Variants in MAST4 observed in about 807,000 individuals in gnomAD.
The protein encoded by MAST4 is microtubule-associated serine/threonine-protein kinase 4.
Under a neutral mutation model 162.7 loss-of-function variants are expected in MAST4, and 89 were observed. That is an observed-to-expected ratio of 0.55 (90% CI 0.46 to 0.65). The LOEUF is 0.65. Among genes scored for constraint, MAST4 ranks in the 30% least tolerant of loss-of-function variants. The pLI is 0.00. For synonymous variants in MAST4, 1,479 were observed against 1,361.1 expected, an observed-to-expected ratio of 1.09 and a Z score of -1.91; for missense variants, 3,153 against 3,374.0, an observed-to-expected ratio of 0.93 and a Z score of 1.62.
chr5:67,121,137 C>G, intron 14 of MAST4, 35 bp downstream of exon 14: 6 of 1,441,570 alleles, frequency 4.2e-6, no homozygotes, highest in Non-Finnish European at 5.8e-6. Flanking sequence ...TATTGTATTT[C>G]TACACACTCA....
Position 67,157,143 on chromosome 5 carries a change from C to T in MAST4, c.3649-3313C>T, listed in dbSNP as rs567139765. Among the ~76,000 whole-genome samples the T allele has an allele frequency of 2.0e-5, 3 of 152,322 alleles. No homozygotes were observed. The East Asian group carries it at 5.8e-4, about 29-fold the overall frequency. On this transcript the variant is annotated intron_variant, in intron 26 of 28. Transcript: ENST00000403625. ...GCCACCTTGAGCAGTTCAGGTAGCA[C>T]TCGCTGTAGCTGGATGGATCCACCA... is the stretch of plus-strand genomic sequence containing the variant.
chr5:66,652,371 T>C (rs757701196), intron 1 of MAST4, among the ~76,000 whole-genome samples: 3 of 152,168 alleles, frequency 2.0e-5, no homozygotes, highest in Non-Finnish European at 4.4e-5. Flanking sequence ...TATTTCATAA[T>C]TATTACAAAA....
chr5:67,032,084 T>C (rs1177701313), intron 4 of MAST4, among the ~76,000 whole-genome samples: 1 of 152,198 alleles, frequency 6.6e-6, no homozygotes, highest in African/African-American at 2.4e-5. Flanking sequence ...TCATTTAATC[T>C]ATAGATTCTT....
chr5:66,942,998 G>T (rs886414470), intron 4 of MAST4, among the ~76,000 whole-genome samples: 1 of 152,042 alleles, frequency 6.6e-6, no homozygotes, highest in East Asian at 1.9e-4. Context: ...TAGGTAGAAA[G>T]GGGTGTGGCA....
At chr5:66,903,725 T>C (rs1296716471) in intron 4 of MAST4, among the ~76,000 whole-genome samples, 3 of 152,214 alleles carry the variant, frequency 2.0e-5, no homozygotes, top group African/African-American at 7.2e-5. Flanking sequence ...TTGCCTTAGA[T>C]TTTTATCCCA....
At chr5:66,938,403 A>G (rs765754584) in intron 4 of MAST4, among the ~76,000 whole-genome samples, 53 of 152,222 alleles carry the variant, frequency 3.5e-4, no homozygotes, top group Non-Finnish European at 1.0e-4. Context: ...ATCCAGAAAG[A>G]GAAAATGGCT....
intron 1 of MAST4, among the ~76,000 whole-genome samples, chr5:66,693,446 G>A (rs1580213554): frequency 6.6e-6 from 1 of 152,182 alleles, no homozygotes; most frequent in South Asian, 2.1e-4. Context: ...ATTTGGAAAT[G>A]AAATTGTTGA....
chr5:66,757,195 T>C (rs1490580028), intron 1 of MAST4, among the ~76,000 whole-genome samples: 1 of 152,140 alleles, frequency 6.6e-6, no homozygotes, highest in Non-Finnish European at 1.5e-5. Flanking sequence ...GCTGAAAAAA[T>C]TTAACATCAG....
chr5:66,640,594 AC>A (rs1745431409), intron 1 of MAST4, among the ~76,000 whole-genome samples: 1 of 152,202 alleles, frequency 6.6e-6, no homozygotes. Context: ...GGCGTGAGCC[AC>A]CGCGCCCAGC....
chr5:66,768,733 A>G (rs566081663), intron 2 of MAST4, among the ~76,000 whole-genome samples: 1 of 152,162 alleles, frequency 6.6e-6, no homozygotes, highest in Non-Finnish European at 1.5e-5. Flanking sequence ...CTCAATGTCC[A>G]TTCTTGGGTT....
rs1222150264 is a variant in MAST4 at position 66,615,896 on chromosome 5, G to T, written c.363+18878G>T. Among the ~76,000 whole-genome samples the T allele has an allele frequency of 4.6e-5, 7 of 152,270 alleles. No individual in the cohort carries two copies. In the East Asian group the frequency reaches 1.4e-3, roughly 29 times the overall value. On this transcript the variant is annotated intron_variant, in intron 1 of 28. Transcript: ENST00000403625. ...GTTTTTCCTTCTATCCCTCCCATTT[G>T]CCTGCCCTCAGCAAGGTAGTTGCTT...
intron 1 of MAST4, among the ~76,000 whole-genome samples, chr5:66,644,634 G>C (rs189988075): frequency 1.7e-3 from 253 of 152,170 alleles, no homozygotes; most frequent in African/African-American, 5.7e-3. Flanking sequence ...AAAGAAGCTG[G>C]AATCCAAACT....
chr5:67,164,486 G>A lies in MAST4; in HGVS notation c.5307G>A (p.Thr1769=), dbSNP rs775662835. ...TAACAGGCCGGGTGGACAGTGGAAC[G>A]GAGAAGCCTGGCTTGGTTGCTCCTG... ...KALTGRVDSG[T]EKPGLVAPES... is the part of the protein sequence containing the mutation. The change falls in exon 29 of 29, where the codon ACG becomes ACA. Residue 1769 remains threonine (T), a synonymous_variant. Coordinates refer to ENST00000403625, the MANE Select transcript of MAST4 (RefSeq NM_001164664.2). The surrounding 1 kb of genome is among the most constrained non-coding windows in gnomAD (Gnocchi z 5.3). 23 of 1,613,920 alleles carry A rather than the reference G, an allele frequency of 1.4e-5. 1 individual carries two copies. The South Asian group carries it at 2.4e-4, about 17-fold the overall frequency.
chr5:67,097,698 A>T (rs1764613512), intron 7 of MAST4, among the ~76,000 whole-genome samples: 1 of 152,116 alleles, frequency 6.6e-6, no homozygotes, highest in Non-Finnish European at 1.5e-5. Context: ...TGAAGACGTT[A>T]GTATCATATA....
chr5:66,999,116 A>G (rs1750992735), intron 4 of MAST4, among the ~76,000 whole-genome samples: 1 of 152,014 alleles, frequency 6.6e-6, no homozygotes. Context: ...GGAGAGATAC[A>G]CTCATCTCTG....
chr5:66,733,970 T>G lies in MAST4; in HGVS notation c.364-25739T>G, dbSNP rs185073716. ...CAAAACCATTAATTTCTTCAATATT[T>G]AACTAAAAGCTTACTTCCTTCATGA... On this transcript the variant is annotated intron_variant, in intron 1 of 28. Coordinates refer to ENST00000403625, the MANE Select transcript of MAST4 (RefSeq NM_001164664.2). Among the ~76,000 whole-genome samples the G allele has an allele frequency of 1.5e-4, 23 of 152,332 alleles. No homozygotes were observed. The East Asian group carries it at 4.4e-3, about 29-fold the overall frequency.
chr5:67,090,649 A>G (rs988901696), intron 6 of MAST4, among the ~76,000 whole-genome samples: 1 of 150,744 alleles, frequency 6.6e-6, no homozygotes, highest in African/African-American at 2.4e-5. Flanking sequence ...GGGCTATAGG[A>G]TGTTTTCTGC....
chr5:66,839,347 T>C (rs539141762), intron 3 of MAST4, among the ~76,000 whole-genome samples: 2 of 152,292 alleles, frequency 1.3e-5, no homozygotes, highest in East Asian at 1.9e-4. Flanking sequence ...AGCTCAAGCC[T>C]GGAGAGAGAC....
chr5:67,136,627 A>G lies in MAST4; in HGVS notation c.2457A>G (p.Leu819=). 1.2e-6 allele frequency: 2 copies of G among 1,604,382 alleles called. No individual in the cohort carries two copies. The highest frequency in any genetic ancestry group is 3.3e-4 in the Middle Eastern group (2 of 6,058). The change falls in exon 19 of 29, where the codon TTA becomes TTG. Residue 819 remains leucine, a synonymous_variant. Transcript: ENST00000403625. ...PPPDAQDLIT[L]LLRQNPLERL... ...CTGATGCCCAGGATCTGATTACCTTACTCCTCAGGCAGAATCCCCTGGAGA... is the reference window on the plus strand; with the variant it reads ...CTGATGCCCAGGATCTGATTACCTTGCTCCTCAGGCAGAATCCCCTGGAGA...
Sources: allele counts gnomAD v4.1 joint callset (sites outside exome capture counted in the v4.1 genomes callset), GRCh38; gene constraint gnomAD v4.1.1; non-coding constraint Gnocchi (gnomAD v3.1); transcripts MANE v1.5; gene names NCBI Gene and HGNC (gene_info 2026-07-23, HGNC 2026-07-21).